FER: variants seen among roughly 807,000 people sequenced by gnomAD.
The protein encoded by FER is tyrosine-protein kinase Fer.
Under a neutral mutation model 111.0 loss-of-function variants are expected in FER, and 63 were observed. The observed-to-expected ratio is 0.57, with a 90% CI of 0.46 to 0.70. The LOEUF is 0.70. Among genes scored for constraint, FER ranks in the 30% least tolerant of loss-of-function variants. The pLI is 0.00. For synonymous variants in FER, 327 were observed against 313.9 expected, an observed-to-expected ratio of 1.04 and a Z score of -0.44; for missense variants, 914 against 954.0, an observed-to-expected ratio of 0.96 and a Z score of 0.55.
chr5:108,897,961 A>C (rs1749398169), intron 10 of FER, 113 bp downstream of exon 10: 2 of 976,662 alleles, frequency 2.0e-6, no homozygotes, highest in Non-Finnish European at 2.9e-6. Context: ...GTTAATATGC[A>C]GGTCCTATTA....
At chr5:108,977,740 A>G (rs1761550982) in intron 13 of FER, among the ~76,000 whole-genome samples, 1 of 152,212 alleles carries the variant, frequency 6.6e-6, no homozygotes, top group Admixed American at 6.5e-5. Flanking sequence ...CTTAAACCTC[A>G]TAATGGCTTT....
intron 8 of FER, among the ~76,000 whole-genome samples, chr5:108,883,028 A>G (rs995346801): frequency 6.6e-6 from 1 of 152,020 alleles, no homozygotes; most frequent in African/African-American, 2.4e-5. Context: ...ATGAGATAAC[A>G]TCTGCAAATA....
intron 17 of FER, among the ~76,000 whole-genome samples, chr5:109,120,150 C>G (rs1008360024): frequency 1.2e-4 from 19 of 152,160 alleles, no homozygotes; most frequent in African/African-American, 4.3e-4. Flanking sequence ...CTTTGGTTGC[C>G]TATGCTTGTG....
chr5:108,968,795 A>G (rs1437370001), intron 13 of FER, among the ~76,000 whole-genome samples: 2 of 152,126 alleles, frequency 1.3e-5, no homozygotes, highest in African/African-American at 4.8e-5. Flanking sequence ...ATACAAACTC[A>G]TACCACAAAA....
At chr5:109,086,338 C>A (rs1777564239) in intron 16 of FER, among the ~76,000 whole-genome samples, 1 of 151,604 alleles carries the variant, frequency 6.6e-6, no homozygotes, top group African/African-American at 2.4e-5. Flanking sequence ...CCTAATTATT[C>A]TTTTCCCATC....
chr5:108,897,629 T>A (rs767591608), intron 9 of FER, 30 bp from the exon 10 acceptor site: 2 of 1,456,014 alleles, frequency 1.4e-6, no homozygotes, highest in Non-Finnish European at 1.8e-6. Context: ...CTTAATGAAG[T>A]TGAAATCATT....
At chr5:109,137,305 A>G (rs914643692) in intron 17 of FER, among the ~76,000 whole-genome samples, 19 of 152,192 alleles carry the variant, frequency 1.2e-4, no homozygotes, top group Admixed American at 1.2e-3. Context: ...TTCTTCAACT[A>G]TGTACCAATC....
In FER at chr5:109,180,891, T is replaced by C. The variant is rs1758218773; in HGVS notation, c.2193T>C (p.Ala731=). 6.2e-7 allele frequency: 1 copy of C among 1,606,830 alleles called. No homozygotes were observed. Among genetic ancestry groups the C allele is most frequent in the Non-Finnish European group, 8.5e-7 (1 of 1,177,760 alleles). Residue 731 remains alanine (A), a synonymous_variant, in exon 18 of 20, where the codon GCT becomes GCC. Transcript: ENST00000281092. The part of the protein sequence containing the change: ...QIPIKWTAPE[A]LNYGRYSSES... ...CCATTAAATGGACAGCACCGGAAGCTCTTAATTATGGTAAGAATAGACCAC... is the reference window on the plus strand; with the variant it reads ...CCATTAAATGGACAGCACCGGAAGCCCTTAATTATGGTAAGAATAGACCAC...
At chr5:108,875,035 C>T (rs977354829) in intron 8 of FER, among the ~76,000 whole-genome samples, 4 of 152,058 alleles carry the variant, frequency 2.6e-5, no homozygotes, top group Non-Finnish European at 5.9e-5. Context: ...ATGACATGTA[C>T]CTGATAAAGT....
chr5:109,037,700 A>G (rs759812866), intron 14 of FER, among the ~76,000 whole-genome samples: 1 of 152,034 alleles, frequency 6.6e-6, no homozygotes, highest in Non-Finnish European at 1.5e-5. Flanking sequence ...TAAGAATATT[A>G]TATGTGTGTT....
At chr5:108,968,776 A>G (rs149977013) in intron 13 of FER, among the ~76,000 whole-genome samples, 119 of 152,220 alleles carry the variant, frequency 7.8e-4, no homozygotes, top group African/African-American at 2.8e-3. Flanking sequence ...ATACTTGTTA[A>G]TATAATCAAT....
intron 8 of FER, among the ~76,000 whole-genome samples, chr5:108,878,175 G>A (rs768947822): frequency 6.6e-6 from 1 of 152,108 alleles, no homozygotes; most frequent in Non-Finnish European, 1.5e-5. Context: ...CCAAAGTGCT[G>A]CGATTACATT....
chr5:109,166,932 A>G (rs1756614686), intron 17 of FER, among the ~76,000 whole-genome samples: 2 of 151,334 alleles, frequency 1.3e-5, no homozygotes, highest in South Asian at 4.2e-4. Flanking sequence ...CATCACTTCT[A>G]CCACATTCTG....
chr5:109,028,096 C>T (rs376635325), intron 13 of FER, among the ~76,000 whole-genome samples: 3 of 151,504 alleles, frequency 2.0e-5, no homozygotes, highest in African/African-American at 4.9e-5. Context: ...GTATAGAGAC[C>T]GAAGTTGAGT....
chr5:108,822,296 C>G (rs763278744), intron 3 of FER, among the ~76,000 whole-genome samples: 3 of 151,920 alleles, frequency 2.0e-5, no homozygotes, highest in Non-Finnish European at 4.4e-5. Context: ...CTATATCTTG[C>G]CTATTATGAA....
At chr5:108,924,077 C>T (rs1383430203) in intron 10 of FER, among the ~76,000 whole-genome samples, 3 of 136,756 alleles carry the variant, frequency 2.2e-5, no homozygotes, top group Non-Finnish European at 4.7e-5. Context: ...AATCAAAGGC[C>T]AGGTGCAGTA....
intron 10 of FER, among the ~76,000 whole-genome samples, chr5:108,941,303 A>G (rs1407639809): frequency 6.6e-6 from 1 of 152,168 alleles, no homozygotes; most frequent in African/African-American, 2.4e-5. Context: ...AGGAGTGGGT[A>G]TGTCCATTTC....
At chr5:108,949,406 G>A (rs1238830543) in intron 11 of FER, among the ~76,000 whole-genome samples, 1 of 152,000 alleles carries the variant, frequency 6.6e-6, no homozygotes, top group Admixed American at 6.6e-5. Context: ...ATGTAAAAGA[G>A]TGATAAACAA....
chr5:108,808,916 T>C (rs917535337), intron 3 of FER, among the ~76,000 whole-genome samples: 4 of 152,350 alleles, frequency 2.6e-5, no homozygotes, highest in Middle Eastern at 3.4e-3. Context: ...AGTACACCCC[T>C]AATCTTCCCT....
Sources: gnomAD v4.1 joint callset for allele counts (sites outside exome capture counted in the v4.1 genomes callset) on GRCh38, gnomAD v4.1.1 for gene constraint, MANE v1.5 for transcripts, NCBI Gene and HGNC (gene_info 2026-07-23, HGNC 2026-07-21) for gene names.